FOXRED2: variants seen among roughly 807,000 people sequenced by gnomAD.
FOXRED2 encodes the protein FAD dependent oxidoreductase domain containing 2, also known as FAD-dependent oxidoreductase domain-containing protein 2.
FOXRED2 carries 32 observed loss-of-function variants against 52.5 expected under a neutral mutation model. That is an observed-to-expected ratio of 0.61 (90% CI 0.46 to 0.82). The LOEUF is 0.82. Ranked by LOEUF, FOXRED2 falls within the 40% of genes least tolerant of loss-of-function variation. The pLI is 0.00. For synonymous variants in FOXRED2, 405 were observed against 398.1 expected, an observed-to-expected ratio of 1.02 and a Z score of -0.21; for missense variants, 848 against 937.5, an observed-to-expected ratio of 0.90 and a Z score of 1.25.
At chr22:36,498,374 C>T in intron 5 of FOXRED2, 1 of 558,220 alleles carries the variant, frequency 1.8e-6, no homozygotes, top group Non-Finnish European at 3.2e-6. Flanking sequence ...CCAGACAATC[C>T]ATATTCTCTG....
chr22:36,506,789 C>G, intron 1 of FOXRED2: 1 of 198,976 alleles, frequency 5.0e-6, no homozygotes, highest in Non-Finnish European at 1.0e-5. Flanking sequence ...TTCCAGAGGC[C>G]TTGGCCCCTC....
Position 36,495,801 on chromosome 22 carries a change from G to A in FOXRED2, c.1624+166C>T, listed in dbSNP as rs148780150. Among the ~76,000 whole-genome samples, 288 of 152,336 alleles carry A rather than the reference G, an allele frequency of 1.9e-3. 3 individuals are homozygous for A. The highest frequency in any genetic ancestry group is 6.7e-3 in the African/African-American group (277 of 41,578). On this transcript the variant is annotated intron_variant, in intron 7 of 8. Transcript: ENST00000397224. The stretch of plus-strand genomic sequence containing the variant: ...GTATGTGTCAGAATCTGGAAGCATC[G>A]TTCATCATTCTCGGACCTTCTGCCC...
At position 36,487,705 on chromosome 22, in the gene FOXRED2, G is replaced by A. The variant is rs1426331357; in HGVS notation, c.*2303C>T. On this transcript the variant is annotated 3_prime_UTR_variant, in exon 9 of 9. Coordinates refer to ENST00000397224, the MANE Select transcript of FOXRED2 (RefSeq NM_001102371.2). ...TACATTATCATGGGGTAAACAATTC[G>A]TCCCTGACAGAATAAGGCTACTGGA... 1.3e-5 allele frequency: 2 copies of A among 152,140 alleles called. No individual in the cohort carries two copies. Among genetic ancestry groups the A allele is most frequent in the Non-Finnish European group, 2.9e-5 (2 of 68,042 alleles). The allele number at this position is 152,140 out of a possible 1,614,324, so 9.4% of individuals were successfully genotyped here.
At chr22:36,504,817 A>G in intron 2 of FOXRED2, 51 bp from the exon 3 acceptor site, 1 of 1,591,964 alleles carries the variant, frequency 6.3e-7, no homozygotes, top group Non-Finnish European at 8.6e-7. Flanking sequence ...CTATAAGACC[A>G]CTAAGTGAAA....
Position 36,506,037 on chromosome 22 carries a change from A to C in FOXRED2, c.386T>G (p.Leu129Arg). Residue 129 changes from leucine (L) to arginine (R), a missense_variant, in exon 2 of 9, where the codon CTG becomes CGG. By Grantham distance (102) the Leu-to-Arg change is moderately radical. Coordinates refer to ENST00000397224, the MANE Select transcript of FOXRED2 (RefSeq NM_001102371.2). ...CCCCAGCGTGTCCGCGAAGTCACCC[A>C]GGTAGCGCACCATGTCGCGGGCGTC... is the stretch of plus-strand genomic sequence containing the variant. ...FPDARDMVRY[L>R]GDFADTLGLR... The C allele has an allele frequency of 1.2e-6, 2 of 1,614,240 alleles. No individual in the cohort carries two copies. The highest frequency in any genetic ancestry group is 1.7e-6 in the Non-Finnish European group (2 of 1,180,038).
rs531320238 is a variant in FOXRED2 at position 36,499,052 on chromosome 22, A to C, written c.1217-896T>G. Among the ~76,000 whole-genome samples the C allele has an allele frequency of 7.9e-5, 12 of 152,256 alleles. No individual in the cohort carries two copies. The East Asian group carries it at 1.9e-3, about 25-fold the overall frequency. On this transcript the variant is annotated intron_variant, in intron 5 of 8. Coordinates refer to ENST00000397224, the MANE Select transcript of FOXRED2 (RefSeq NM_001102371.2). Reference sequence around the variant, plus strand: ...TGGATTGAAGTGATTCTCCTGCCTCAGCCTCCCAAGTAGTAGGGATTACAA... The same window carrying C: ...TGGATTGAAGTGATTCTCCTGCCTCCGCCTCCCAAGTAGTAGGGATTACAA...
At chr22:36,506,573 C>T in intron 1 of FOXRED2, 150 bp from the exon 2 acceptor site, 2 of 722,670 alleles carry the variant, frequency 2.8e-6, no homozygotes, top group East Asian at 3.0e-5. Context: ...TTTGCCCGGA[C>T]TCCACCGTTT....
chr22:36,506,673 T>C, intron 1 of FOXRED2: 1 of 442,574 alleles, frequency 2.3e-6, no homozygotes, highest in Non-Finnish European at 3.9e-6. Context: ...GGCTCCCCGC[T>C]TATGATTGTA....
At chr22:36,502,465 G>T (rs111563782) in intron 4 of FOXRED2, among the ~76,000 whole-genome samples, 101 of 152,244 alleles carry the variant, frequency 6.6e-4, no homozygotes, top group African/African-American at 2.3e-3. Flanking sequence ...CATAATACAT[G>T]CCAAGTACTT....
At chr22:36,506,694 C>T in intron 1 of FOXRED2, 2 of 417,490 alleles carry the variant, frequency 4.8e-6, no homozygotes, top group Admixed American at 8.0e-5. Context: ...GTAACCTCCA[C>T]CCTGGGGAAG....
In FOXRED2 at chr22:36,501,304, C is replaced by T. The variant is rs1198304340; in HGVS notation, c.1153G>A (p.Ala385Thr). ...TTCCGGTAGTCCACCGAGTGGCTGGCAGTACCCAGGATAAACAGACCCCGG... is the reference window on the plus strand; with the variant it reads ...TTCCGGTAGTCCACCGAGTGGCTGGTAGTACCCAGGATAAACAGACCCCGG... ...GSRGLFILGT[A>T]SHSVDYRKSA... Residue 385 changes from alanine (A) to threonine (T), a missense_variant, in exon 5 of 9, where the codon GCC (alanine) becomes ACC (threonine). By Grantham distance (58) the Ala-to-Thr change is moderately conservative. Coordinates refer to ENST00000397224, the MANE Select transcript of FOXRED2 (RefSeq NM_001102371.2). The T allele has an allele frequency of 3.1e-6, 5 of 1,614,102 alleles. No homozygotes were observed. The South Asian group carries it at 3.3e-5, about 11-fold the overall frequency.
chr22:36,494,827 C>T (rs578147769), intron 7 of FOXRED2, among the ~76,000 whole-genome samples: 41 of 151,810 alleles, frequency 2.7e-4, no homozygotes, highest in African/African-American at 9.2e-4. Context: ...TTATTAGAGA[C>T]GGGGTTTCAC....
chr22:36,495,883 TGAA>T, intron 7 of FOXRED2, 81 bp downstream of exon 7: 1 of 1,480,216 alleles, frequency 6.8e-7, no homozygotes, highest in South Asian at 1.2e-5. Context: ...AGCATGTGTG[TGAA>T]GGTTTCAGGG....
chr22:36,497,818 G>C (rs1351413040), intron 6 of FOXRED2, among the ~76,000 whole-genome samples, 173 bp downstream of exon 6: 1 of 152,202 alleles, frequency 6.6e-6, no homozygotes, highest in Non-Finnish European at 1.5e-5. Flanking sequence ...CCACTCACAG[G>C]ACTGTCTGTA....
chr22:36,504,058 G>T (rs763384810), intron 4 of FOXRED2, 40 bp downstream of exon 4: 4 of 1,595,142 alleles, frequency 2.5e-6, no homozygotes, highest in Non-Finnish European at 3.4e-6. Context: ...GGTCAGGAGG[G>T]TTTGCTAGGA....
In FOXRED2 at chr22:36,496,186, G is replaced by C; in HGVS notation, c.1405C>G (p.Leu469Val). The C allele has an allele frequency of 6.2e-7, 1 of 1,613,894 alleles. No individual in the cohort carries two copies. Among genetic ancestry groups the C allele is most frequent in the Non-Finnish European group, 8.5e-7 (1 of 1,180,030 alleles). The change falls in exon 7 of 9, where the codon CTG becomes GTG. Residue 469 changes from leucine to valine, a missense_variant. Coordinates refer to ENST00000397224, the MANE Select transcript of FOXRED2 (RefSeq NM_001102371.2). ...AGCATCTGTATGGGGAACTCCTCCA[G>C]GTACTCAAAGGCCGTGGAATTCCTG... ...LKENSTAFEY[L>V]EEFPIQMLAQ...
At chr22:36,505,567 G>A (rs1444800431) in intron 2 of FOXRED2, among the ~76,000 whole-genome samples, 2 of 152,114 alleles carry the variant, frequency 1.3e-5, no homozygotes, top group Non-Finnish European at 2.9e-5. Context: ...TCAGGAGTTC[G>A]AGACCAGCCT....
At chr22:36,501,585 C>G (rs757575141) in intron 4 of FOXRED2, among the ~76,000 whole-genome samples, 178 bp from the exon 5 acceptor site, 1 of 152,058 alleles carries the variant, frequency 6.6e-6, no homozygotes, top group African/African-American at 2.4e-5. Context: ...CTGAGCCTCC[C>G]GAGTAGCTGG....
chr22:36,499,968 A>C (rs1017429488), intron 5 of FOXRED2, among the ~76,000 whole-genome samples: 2 of 151,960 alleles, frequency 1.3e-5, no homozygotes, highest in Non-Finnish European at 2.9e-5. Context: ...TGCCCGGCTA[A>C]TTTTGTATTT....
Sources: gnomAD v4.1 joint callset for allele counts (sites outside exome capture counted in the v4.1 genomes callset) on GRCh38, gnomAD v4.1.1 for gene constraint, MANE v1.5 for transcripts, NCBI Gene and HGNC (gene_info 2026-07-23, HGNC 2026-07-21) for gene names.